The following STT3B variants were observed in gnomAD, a reference collection of about 807,000 sequenced individuals.
STT3B encodes the protein STT3 oligosaccharyltransferase complex catalytic subunit B.
STT3B carries 29 observed loss-of-function variants against 96.8 expected under a neutral mutation model. That is an observed-to-expected ratio of 0.30 (90% confidence interval 0.22 to 0.41). The LOEUF is 0.41. Ranked by LOEUF, STT3B falls within the 10% of genes least tolerant of loss-of-function variation. The pLI is 1.00. For synonymous variants in STT3B, 367 were observed against 360.0 expected (o/e 1.02, Z -0.22); for missense variants, 640 against 1,022.3 (o/e 0.63, Z 5.10).
At chr3:31,589,925 G>T (rs1317390290) in intron 3 of STT3B, among the ~76,000 whole-genome samples, 2 of 151,872 alleles carry the variant, frequency 1.3e-5, no homozygotes, top group African/African-American at 4.8e-5. Flanking sequence ...ATTCTCGTAG[G>T]ATTGGTATTA....
Position 31,592,207 on chromosome 3 carries a change from A to G in STT3B, c.712-4591A>G, listed in dbSNP as rs1294494797. The stretch of plus-strand genomic sequence containing the variant: ...AAATACTTCACATAGGTGGAATCAT[A>G]TAGTAGTTGTCTTTTTGTGACTGGC... On this transcript the variant is annotated intron_variant, in intron 3 of 15. Coordinates refer to ENST00000295770, the MANE Select transcript of STT3B (RefSeq NM_178862.3). Among the ~76,000 whole-genome samples, 3 of 152,262 alleles carry G rather than the reference A, an allele frequency of 2.0e-5. No individual in the cohort carries two copies. In the East Asian group the frequency reaches 5.8e-4, roughly 29 times the overall value.
intron 14 of STT3B, among the ~76,000 whole-genome samples, chr3:31,630,113 A>G (rs1160841286): frequency 1.3e-5 from 2 of 152,332 alleles, no homozygotes; most frequent in Non-Finnish European, 2.9e-5. Context: ...ATTTTTAAGG[A>G]AACCAGAATA....
intron 1 of STT3B, among the ~76,000 whole-genome samples, chr3:31,550,535 C>A (rs1051738125): frequency 6.6e-6 from 1 of 152,134 alleles, no homozygotes; most frequent in Non-Finnish European, 1.5e-5. Context: ...TGAGTCTTTC[C>A]CTTCAGAGTT....
intron 1 of STT3B, among the ~76,000 whole-genome samples, chr3:31,570,523 A>T (rs1447762431): frequency 7.9e-5 from 12 of 152,214 alleles, no homozygotes. Context: ...ATGTAGACAG[A>T]GCCAAGGGCT....
intron 8 of STT3B, among the ~76,000 whole-genome samples, chr3:31,618,604 C>G (rs1308499676): frequency 6.6e-6 from 1 of 151,892 alleles, no homozygotes; most frequent in Admixed American, 6.6e-5. Context: ...TCTGTTCCTG[C>G]TGTTCTGTCT....
At chr3:31,556,229 AC>A (rs1049984545) in intron 1 of STT3B, among the ~76,000 whole-genome samples, 7 of 151,996 alleles carry the variant, frequency 4.6e-5, no homozygotes, top group African/African-American at 1.7e-4. Context: ...CAGATGACAT[AC>A]TTTTATTCTT....
In STT3B at chr3:31,562,099, A is replaced by T. The variant is rs148348810; in HGVS notation, c.315-14297A>T. Among the ~76,000 whole-genome samples the T allele has an allele frequency of 4.4e-3, 666 of 152,194 alleles. 3 individuals carry two copies. The highest frequency in any genetic ancestry group is 0.014 in the African/African-American group (581 of 41,538). ...TGCCAGTGACAGCGTTCGTGCATCCAGGCTGATTTTAGGCCTCCAGGTGGC... is the reference window on the plus strand; with the variant it reads ...TGCCAGTGACAGCGTTCGTGCATCCTGGCTGATTTTAGGCCTCCAGGTGGC... On this transcript the variant is annotated intron_variant, in intron 1 of 15. Coordinates refer to ENST00000295770, the MANE Select transcript of STT3B (RefSeq NM_178862.3).
At chr3:31,566,434 T>C (rs888437008) in intron 1 of STT3B, among the ~76,000 whole-genome samples, 1 of 152,216 alleles carries the variant, frequency 6.6e-6, no homozygotes, top group Non-Finnish European at 1.5e-5. Context: ...ATGTGTGTGA[T>C]GATTAAATGA....
At chr3:31,600,097 G>C in intron 4 of STT3B, among the ~76,000 whole-genome samples, 1 of 152,044 alleles carries the variant, frequency 6.6e-6, no homozygotes. Flanking sequence ...AATACTCTCA[G>C]CTTTTCTATT....
intron 13 of STT3B, 93 bp downstream of exon 13, chr3:31,626,220 C>T (rs1699534135): frequency 8.7e-7 from 1 of 1,151,812 alleles, no homozygotes; most frequent in Non-Finnish European, 1.2e-6. Context: ...TTTGTTTCAT[C>T]ATCCTATCCC....
intron 1 of STT3B, among the ~76,000 whole-genome samples, chr3:31,552,785 A>G (rs1697594512): frequency 6.6e-6 from 1 of 152,154 alleles, no homozygotes; most frequent in African/African-American, 2.4e-5. Context: ...TTTAGCACCC[A>G]GTGTGATACA....
intron 3 of STT3B, among the ~76,000 whole-genome samples, chr3:31,588,095 G>C (rs781475430): frequency 2.4e-4 from 37 of 152,088 alleles, no homozygotes; most frequent in South Asian, 4.2e-4. Context: ...ACATTCTCTT[G>C]CAGCTTTCCA....
chr3:31,580,522 C>T (rs1375213825), intron 3 of STT3B, among the ~76,000 whole-genome samples: 4 of 152,186 alleles, frequency 2.6e-5, no homozygotes, highest in Non-Finnish European at 4.4e-5. Flanking sequence ...TATGATGCTA[C>T]TTGGGTTCAC....
At chr3:31,546,207 C>T (rs140155322) in intron 1 of STT3B, among the ~76,000 whole-genome samples, 85 of 152,306 alleles carry the variant, frequency 5.6e-4, no homozygotes, top group African/African-American at 2.0e-3. Context: ...AACTTAGTGA[C>T]AAAACAGCAT....
intron 7 of STT3B, 110 bp downstream of exon 7, chr3:31,617,185 T>C: frequency 1.3e-6 from 1 of 796,662 alleles, no homozygotes; most frequent in Non-Finnish European, 1.7e-6. Context: ...GTGATTTTTT[T>C]CTTTTTTTTT....
intron 11 of STT3B, among the ~76,000 whole-genome samples, chr3:31,624,574 A>G (rs1699492414): frequency 6.6e-6 from 1 of 151,884 alleles, no homozygotes; most frequent in African/African-American, 2.4e-5. Flanking sequence ...CAGCTGATTT[A>G]TGTATTGCCA....
intron 1 of STT3B, among the ~76,000 whole-genome samples, chr3:31,555,848 A>G (rs551234859): frequency 1.1e-3 from 168 of 152,252 alleles, no homozygotes; most frequent in African/African-American, 3.7e-3. Context: ...GATCCAGTCA[A>G]GTTATTTAGG....
intron 3 of STT3B, among the ~76,000 whole-genome samples, chr3:31,584,593 A>G (rs1213588992): frequency 6.6e-6 from 1 of 152,174 alleles, no homozygotes; most frequent in Non-Finnish European, 1.5e-5. Context: ...GAAATTATAG[A>G]TATCATTGCT....
In STT3B at chr3:31,636,250, G is replaced by T. The variant is rs144292810; in HGVS notation, c.*186G>T. 2.2e-6 allele frequency: 1 copy of T among 449,276 alleles called. No homozygotes were observed. Among genetic ancestry groups the T allele is most frequent in the Non-Finnish European group, 4.1e-6 (1 of 246,552 alleles). The allele number at this position is 449,276 out of a possible 1,614,324, so 27.8% of individuals were successfully genotyped here. A position where few individuals can be genotyped will look rare whatever the true frequency, so the allele number is the denominator to read the frequency against. On this transcript the variant is annotated 3_prime_UTR_variant, in exon 16 of 16. Transcript: ENST00000295770. ...TGGCTTGTTGAGAACAGCTGTTTTC[G>T]ATTTCTAATGTGAAGCAAGACAGAG... is the stretch of plus-strand genomic sequence containing the variant.
Sources: allele counts gnomAD v4.1 joint callset (sites outside exome capture counted in the v4.1 genomes callset), GRCh38; gene constraint gnomAD v4.1.1; transcripts MANE v1.5; gene names NCBI Gene and HGNC (gene_info 2026-07-23, HGNC 2026-07-21).